Variants in SDR42E1 observed in about 807,000 individuals in gnomAD.
SDR42E1 encodes short-chain dehydrogenase/reductase family 42E member 1.
Under a neutral mutation model 2.6 loss-of-function variants are expected in SDR42E1, and 5 were observed. That is an observed-to-expected ratio of 1.94 (90% CI 1.01 to 4.08). The LOEUF is 4.08. Ranked by LOEUF, SDR42E1 falls within the 30% of genes most tolerant of loss-of-function variation. The pLI is 0.00. For synonymous variants in SDR42E1, 231 were observed against 188.3 expected (o/e 1.23, Z -1.86); for missense variants, 596 against 478.6 (o/e 1.25, Z -2.29).
Position 81,993,765 on chromosome 16 carries a change from T to G in SDR42E1, c.*5346A>C, listed in dbSNP as rs1912480385. On this transcript the variant is annotated 3_prime_UTR_variant, in exon 3 of 3. Transcript: ENST00000328945. ...TTCCTGCTCTCATGGGGCGTTTATG[T>G]TCTGGGGAGCAAATCACTTCATCAA... 6.6e-6 allele frequency: 1 copy of G among 152,216 alleles called. No homozygotes were observed. Among genetic ancestry groups the G allele is most frequent in the African/African-American group, 2.4e-5 (1 of 41,452 alleles). 9.4% of individuals were successfully genotyped at this position (152,216 alleles called of 1,614,324 possible). A position where few individuals can be genotyped will look rare whatever the true frequency, so the allele number is the denominator to read the frequency against.
At chr16:82,011,365 A>T (rs964467355) in intron 1 of SDR42E1, 22 bp downstream of exon 1, 2 of 152,258 alleles carry the variant, frequency 1.3e-5, no homozygotes, top group African/African-American at 2.4e-5. Context: ...CGGCCCCCCA[A>T]CCCCAGCCCA....
intron 1 of SDR42E1, among the ~76,000 whole-genome samples, chr16:82,006,092 T>C (rs1912923914): frequency 1.3e-5 from 2 of 152,180 alleles, no homozygotes; most frequent in Admixed American, 6.5e-5. Context: ...CTACTTGCCC[T>C]CTGGTATCAT....
chr16:82,001,455 T>A (rs1041684677), intron 1 of SDR42E1, among the ~76,000 whole-genome samples: 5 of 152,176 alleles, frequency 3.3e-5, no homozygotes, highest in African/African-American at 1.2e-4. Context: ...TTGCAAGTAC[T>A]TAAAGTACAA....
rs761233284 is a variant in SDR42E1 at position 81,999,681 on chromosome 16, G to A, written c.612C>T (p.Ile204=). The A allele has an allele frequency of 8.1e-5, 130 of 1,614,034 alleles. No homozygotes were observed. Among genetic ancestry groups the A allele is most frequent in the Admixed American group, 1.5e-4 (9 of 59,990 alleles). Residue 204 remains isoleucine (I), a synonymous_variant, in exon 3 of 3, where the codon ATC becomes ATT. Coordinates refer to ENST00000328945, the MANE Select transcript of SDR42E1 (RefSeq NM_145168.3). ...AGACAAACTTGAACAGACCCTTCTC[G>A]ATGTAGCTGACTATCCTGGGAAGGT... ...QRHLPRIVSY[I]EKGLFKFVYG...
At chr16:82,000,997 A>G in intron 1 of SDR42E1, 113 bp from the exon 2 acceptor site, 1 of 657,060 alleles carries the variant, frequency 1.5e-6, no homozygotes, top group Non-Finnish European at 2.6e-6. Context: ...TGAAAAGGTG[A>G]GGTCTGGGTC....
In SDR42E1 at chr16:81,999,456, A is replaced by G; in HGVS notation, c.837T>C (p.Ser279=). The G allele has an allele frequency of 2.5e-6, 4 of 1,614,212 alleles. No individual in the cohort carries two copies. The highest frequency in any genetic ancestry group is 3.4e-6 in the Non-Finnish European group (4 of 1,180,024). ...LVEGLGYTFP[S]TRLPLTLVYC... is the part of the protein sequence containing the mutation. ...AGACCAAGGTCAATGGCAGGCGGGT[A>G]GACGGGAATGTGTAGCCCAGGCCCT... The change falls in exon 3 of 3, where the codon TCT becomes TCC. Residue 279 remains serine, a synonymous_variant. Coordinates refer to ENST00000328945, the MANE Select transcript of SDR42E1 (RefSeq NM_145168.3).
chr16:82,002,435 TAAC>T (rs1912800227), intron 1 of SDR42E1, among the ~76,000 whole-genome samples: 1 of 152,162 alleles, frequency 6.6e-6, no homozygotes, highest in Non-Finnish European at 1.5e-5. Flanking sequence ...GTGGAAATAA[TAAC>T]AACAAACACA....
At chr16:82,000,912 A>G in intron 1 of SDR42E1, 28 bp from the exon 2 acceptor site, 2 of 1,459,386 alleles carry the variant, frequency 1.4e-6, no homozygotes, top group Non-Finnish European at 1.9e-6. Flanking sequence ...CATCACTGTT[A>G]CTGATCCAAA....
At position 82,000,492 on chromosome 16, in the gene SDR42E1, T is replaced by C. The variant is rs558144329; in HGVS notation, c.69-268A>G. The C allele has an allele frequency of 2.9e-5, 18 of 612,574 alleles. 1 individual carries two copies. Among genetic ancestry groups the C allele is most frequent in the Admixed American group, 2.5e-4 (9 of 35,404 alleles). 37.9% of individuals were successfully genotyped at this position (612,574 alleles called of 1,614,324 possible). A position where few individuals can be genotyped will look rare whatever the true frequency, so the allele number is the denominator to read the frequency against. ...TCCCCCTTGGTTCTAGGGCCCACTATCTATTCTTTGGAATATTTGTGAATA... is the reference window on the plus strand; with the variant it reads ...TCCCCCTTGGTTCTAGGGCCCACTACCTATTCTTTGGAATATTTGTGAATA... On this transcript the variant is annotated intron_variant, in intron 2 of 2. Coordinates refer to ENST00000328945, the MANE Select transcript of SDR42E1 (RefSeq NM_145168.3).
Position 81,990,667 on chromosome 16 carries a change from G to A in SDR42E1, c.*8444C>T, listed in dbSNP as rs1179860597. ...GGGAATGTTTTATCTCCACTTTACAGATGAGAGGCATTTGCTCAAAGTCAC... is the reference window on the plus strand; with the variant it reads ...GGGAATGTTTTATCTCCACTTTACAAATGAGAGGCATTTGCTCAAAGTCAC... On this transcript the variant is annotated 3_prime_UTR_variant, in exon 3 of 3. Transcript: ENST00000328945. 1 of 152,216 alleles carries A rather than the reference G, an allele frequency of 6.6e-6. No homozygotes were observed. The highest frequency in any genetic ancestry group is 2.4e-5 in the African/African-American group (1 of 41,456). 9.4% of individuals were successfully genotyped at this position (152,216 alleles called of 1,614,324 possible).
At chr16:82,005,543 TTCACATGAA>T (rs1912906008) in intron 1 of SDR42E1, among the ~76,000 whole-genome samples, 1 of 152,130 alleles carries the variant, frequency 6.6e-6, no homozygotes, top group Non-Finnish European at 1.5e-5. Context: ...CCACCCAAAA[TTCACATGAA>T]TCCTAAGCCA....
chr16:82,007,227 C>T (rs1912969279), intron 1 of SDR42E1, among the ~76,000 whole-genome samples: 2 of 152,370 alleles, frequency 1.3e-5, no homozygotes, highest in East Asian at 3.9e-4. Flanking sequence ...TCAAATGCCT[C>T]TTTCTGTCCT....
Position 81,999,264 on chromosome 16 carries a change from G to A in SDR42E1, c.1029C>T (p.Leu343=). The part of the protein sequence containing the change: ...ELGYKAQPFD[L]QEAVEWFKAH... The stretch of plus-strand genomic sequence containing the variant: ...CTTTAAACCATTCCACTGCTTCCTG[G>A]AGGTCAAATGGCTGAGCCTTATAAC... The change falls in exon 3 of 3, where the codon CTC becomes CTT. Residue 343 remains leucine, a synonymous_variant. Coordinates refer to ENST00000328945, the MANE Select transcript of SDR42E1 (RefSeq NM_145168.3). 1.2e-6 allele frequency: 2 copies of A among 1,614,178 alleles called. No homozygotes were observed. The highest frequency in any genetic ancestry group is 8.5e-7 in the Non-Finnish European group (1 of 1,180,042).
chr16:82,011,107 TGTGGAAAG>T (rs1451329136), intron 1 of SDR42E1, among the ~76,000 whole-genome samples: 2 of 152,222 alleles, frequency 1.3e-5, no homozygotes, highest in African/African-American at 4.8e-5. Flanking sequence ...GCCAGCCACC[TGTGGAAAG>T]TTCGGAGCTT....
chr16:82,009,629 A>C (rs570269361), intron 1 of SDR42E1, among the ~76,000 whole-genome samples: 33 of 152,348 alleles, frequency 2.2e-4, no homozygotes, highest in African/African-American at 7.9e-4. Context: ...GTATCTAGGA[A>C]GTAACTAACT....
rs199875431 is a variant in SDR42E1 at position 82,005,341 on chromosome 16, GA to G, written c.-26-4458del. ...ATAACTGACCTGATCGGGGGGGTCA[GA>G]AGAGAAAGATAAGAAAAATTAATAA... On this transcript the variant is annotated intron_variant, in intron 1 of 2. Transcript: ENST00000328945. 6.6e-3 allele frequency among the ~76,000 whole-genome samples: 1,004 copies of G among 152,278 alleles called. 11 individuals are homozygous for G. Among genetic ancestry groups the G allele is most frequent in the African/African-American group, 0.023 (962 of 41,538 alleles).
chr16:81,993,622 A>T lies in SDR42E1; in HGVS notation c.*5489T>A, dbSNP rs184756519. 1 of 152,242 alleles carries T rather than the reference A, an allele frequency of 6.6e-6. No individual in the cohort carries two copies. Among genetic ancestry groups the T allele is most frequent in the East Asian group, 1.9e-4 (1 of 5,172 alleles). 9.4% of individuals were successfully genotyped at this position (152,242 alleles called of 1,614,324 possible). A position where few individuals can be genotyped will look rare whatever the true frequency, so the allele number is the denominator to read the frequency against. On this transcript the variant is annotated 3_prime_UTR_variant, in exon 3 of 3. Coordinates refer to ENST00000328945, the MANE Select transcript of SDR42E1 (RefSeq NM_145168.3). Reference sequence around the variant, plus strand: ...AGTCTCAGGTGTAAAAGAAGCAATAACTGGGGAATCAGCTGTAATTTCAGA... The same window carrying T: ...AGTCTCAGGTGTAAAAGAAGCAATATCTGGGGAATCAGCTGTAATTTCAGA...
Position 81,990,617 on chromosome 16 carries a change from T to C in SDR42E1, c.*8494A>G, listed in dbSNP as rs971306381. ...AAAGGCCTCTGTGCCATTAAATCCA[T>C]ACAAGTTCCCCCAAGAGATAAGCAG... On this transcript the variant is annotated 3_prime_UTR_variant, in exon 3 of 3. Coordinates refer to ENST00000328945, the MANE Select transcript of SDR42E1 (RefSeq NM_145168.3). The C allele has an allele frequency of 6.6e-6, 1 of 152,222 alleles. No individual in the cohort carries two copies. Among genetic ancestry groups the C allele is most frequent in the African/African-American group, 2.4e-5 (1 of 41,456 alleles). 9.4% of individuals were successfully genotyped at this position (152,222 alleles called of 1,614,324 possible).
chr16:82,008,805 C>G (rs951558648), intron 1 of SDR42E1, among the ~76,000 whole-genome samples: 10 of 152,344 alleles, frequency 6.6e-5, no homozygotes, highest in African/African-American at 2.2e-4. Context: ...TGCTAATCAT[C>G]AAGACAATGG....
Sources: allele counts gnomAD v4.1 joint callset (sites outside exome capture counted in the v4.1 genomes callset), GRCh38; gene constraint gnomAD v4.1.1; transcripts MANE v1.5; gene names NCBI Gene and HGNC (gene_info 2026-07-23, HGNC 2026-07-21).